Variants in MAGI2 observed in about 807,000 individuals in gnomAD.
MAGI2 encodes membrane-associated guanylate kinase, WW and PDZ domain-containing protein 2.
MAGI2 carries 35 observed loss-of-function variants against 133.3 expected under a neutral mutation model. The ratio of observed to expected loss-of-function variants is 0.26; its 90% CI spans 0.20 to 0.35. MAGI2 has a LOEUF of 0.35. Ranked by LOEUF, MAGI2 falls within the 10% of genes least tolerant of loss-of-function variation. MAGI2 has a pLI of 1.00. For missense variants in MAGI2, 1,636 were observed against 1,863.4 expected (o/e 0.88, Z 2.25); for synonymous variants, 729 against 710.6 (o/e 1.03, Z -0.41).
rs1267211183 is a variant in MAGI2 at position 78,421,115 on chromosome 7, T to C, written c.1046-51902A>G. Among the ~76,000 whole-genome samples, 7 of 152,148 alleles carry C rather than the reference T, an allele frequency of 4.6e-5. No individual in the cohort carries two copies. In the East Asian group the frequency reaches 1.2e-3, roughly 25 times the overall value. ...ATGTGGAAACTGTTGTTGCAAACAA[T>C]CACCTTGTCAGAGTACTGGGAGATT... On this transcript the variant is annotated intron_variant, in intron 6 of 21. Coordinates refer to ENST00000354212, the MANE Select transcript of MAGI2 (RefSeq NM_012301.4).
chr7:78,315,340 C>T (rs1584842554), intron 9 of MAGI2, among the ~76,000 whole-genome samples: 1 of 152,134 alleles, frequency 6.6e-6, no homozygotes, highest in East Asian at 1.9e-4. Context: ...ATATACTTGG[C>T]AGGGTTTCAC....
At chr7:78,744,448 C>G (rs774711459) in intron 2 of MAGI2, among the ~76,000 whole-genome samples, 11 of 152,096 alleles carry the variant, frequency 7.2e-5, no homozygotes, top group Non-Finnish European at 1.5e-4. Flanking sequence ...CTGGTTGATT[C>G]ATCTTATGGA....
At chr7:78,794,836 C>T (rs1787468714) in intron 2 of MAGI2, among the ~76,000 whole-genome samples, 1 of 152,092 alleles carries the variant, frequency 6.6e-6, no homozygotes, top group Non-Finnish European at 1.5e-5. Flanking sequence ...ACACGCATAA[C>T]CAAGATCAGG....
At chr7:78,497,306 C>T (rs986769241) in intron 5 of MAGI2, among the ~76,000 whole-genome samples, 7 of 152,080 alleles carry the variant, frequency 4.6e-5, no homozygotes, top group African/African-American at 1.7e-4. Flanking sequence ...TAAAATTATG[C>T]TGCATAAAAA....
intron 1 of MAGI2, among the ~76,000 whole-genome samples, chr7:79,047,089 T>C (rs1812243383): frequency 6.6e-6 from 1 of 152,172 alleles, no homozygotes; most frequent in Non-Finnish European, 1.5e-5. Flanking sequence ...CTTTTGGGAA[T>C]AGGAATAAAA....
intron 2 of MAGI2, among the ~76,000 whole-genome samples, chr7:78,859,626 C>T (rs942143932): frequency 1.3e-5 from 2 of 152,196 alleles, no homozygotes; most frequent in Non-Finnish European, 2.9e-5. Flanking sequence ...GTCCAATGGG[C>T]TTCCCTTTGT....
At position 78,604,731 on chromosome 7, in the gene MAGI2, G is replaced by C. The variant is rs543287266; in HGVS notation, c.538+22389C>G. On this transcript the variant is annotated intron_variant, in intron 3 of 21. Transcript: ENST00000354212. Reference sequence around the variant, plus strand: ...ACAGGCACCCGGAAGTATAAGAAATGTATTTCTCTGTTTCAATATATTGTT... The same window carrying C: ...ACAGGCACCCGGAAGTATAAGAAATCTATTTCTCTGTTTCAATATATTGTT... Among the ~76,000 whole-genome samples, 10 of 152,306 alleles carry C rather than the reference G, an allele frequency of 6.6e-5. No homozygotes were observed. The South Asian group carries it at 2.1e-3, about 32-fold the overall frequency.
At chr7:79,038,054 C>A (rs769156050) in intron 1 of MAGI2, among the ~76,000 whole-genome samples, 5 of 152,114 alleles carry the variant, frequency 3.3e-5, no homozygotes, top group African/African-American at 1.2e-4. Flanking sequence ...AGAAGTTTCT[C>A]TTTTTGTGAC....
intron 10 of MAGI2, among the ~76,000 whole-genome samples, chr7:78,247,431 T>G (rs966623572): frequency 1.3e-5 from 2 of 151,644 alleles, no homozygotes; most frequent in African/African-American, 2.4e-5. Context: ...ACAATAACTC[T>G]GTAACTAACC....
intron 2 of MAGI2, among the ~76,000 whole-genome samples, chr7:78,970,835 A>G (rs1394727874): frequency 6.6e-6 from 1 of 152,102 alleles, no homozygotes; most frequent in East Asian, 1.9e-4. Flanking sequence ...CTAATGCTAC[A>G]TCAGTGCCTG....
chr7:78,518,916 G>A (rs550292588), intron 4 of MAGI2: 6 of 152,180 alleles, frequency 3.9e-5, no homozygotes, highest in African/African-American at 1.4e-4. Context: ...GTGTTTGTGT[G>A]TTTTGCAGAG....
chr7:78,047,328 G>A (rs1811537547), intron 21 of MAGI2, among the ~76,000 whole-genome samples: 1 of 152,170 alleles, frequency 6.6e-6, no homozygotes, highest in Non-Finnish European at 1.5e-5. Flanking sequence ...ACTGCCTGGG[G>A]AGGAGAAAAT....
At chr7:78,029,269 G>T (rs939552137) in intron 21 of MAGI2, among the ~76,000 whole-genome samples, 9 of 152,166 alleles carry the variant, frequency 5.9e-5, no homozygotes, top group African/African-American at 2.2e-4. Flanking sequence ...AAAAATCCCG[G>T]ACTGGTTTGG....
At position 79,140,156 on chromosome 7, in the gene MAGI2, A is replaced by C. The variant is rs1821982736; in HGVS notation, c.302-132950T>G. On this transcript the variant is annotated intron_variant, in intron 1 of 21. Coordinates refer to ENST00000354212, the MANE Select transcript of MAGI2 (RefSeq NM_012301.4). ...TTCCCCCAGGTTTTGACTTCTGATC[A>C]TGAAAGCCCATCACATTTGCTAGCT... Among the ~76,000 whole-genome samples the C allele has an allele frequency of 2.0e-5, 3 of 152,346 alleles. No homozygotes were observed. In the South Asian group the frequency reaches 6.2e-4, roughly 32 times the overall value.
chr7:78,878,898 G>A (rs572953941), intron 2 of MAGI2, among the ~76,000 whole-genome samples: 8 of 152,140 alleles, frequency 5.3e-5, no homozygotes, highest in African/African-American at 1.9e-4. Context: ...TCCATGCCAT[G>A]GCCAGGCTGA....
chr7:78,224,508 A>C (rs1789157838), intron 10 of MAGI2, among the ~76,000 whole-genome samples: 1 of 151,964 alleles, frequency 6.6e-6, no homozygotes. Context: ...TCTGCTGAAA[A>C]CACAAAGATT....
intron 1 of MAGI2, among the ~76,000 whole-genome samples, chr7:79,082,192 G>T (rs1192509589): frequency 6.6e-6 from 1 of 151,922 alleles, no homozygotes; most frequent in Non-Finnish European, 1.5e-5. Flanking sequence ...TCTTGATAAT[G>T]TTCTTTAAGG....
intron 9 of MAGI2, among the ~76,000 whole-genome samples, chr7:78,265,699 C>G (rs1584626307): frequency 6.6e-6 from 1 of 152,198 alleles, no homozygotes; most frequent in East Asian, 1.9e-4. Context: ...AACCAAAACT[C>G]TAGTTACAAA....
chr7:78,222,612 T>C (rs1788941173), intron 10 of MAGI2, among the ~76,000 whole-genome samples: 1 of 152,176 alleles, frequency 6.6e-6, no homozygotes, highest in Non-Finnish European at 1.5e-5. Context: ...TTGTTTGTTT[T>C]ACTGCCCCCA....
Sources: gnomAD v4.1 joint callset for allele counts (sites outside exome capture counted in the v4.1 genomes callset) on GRCh38, gnomAD v4.1.1 for gene constraint, MANE v1.5 for transcripts, NCBI Gene and HGNC (gene_info 2026-07-23, HGNC 2026-07-21) for gene names.